Variants in NSMCE2 observed in about 807,000 individuals in gnomAD.
NSMCE2 encodes the protein E3 SUMO-protein ligase NSE2.
Under a neutral mutation model 23.8 loss-of-function variants are expected in NSMCE2, and 24 were observed. The observed-to-expected ratio is 1.01, with a 90% CI of 0.73 to 1.42. The LOEUF (loss-of-function observed/expected upper bound fraction) is 1.42, where lower values mean the gene tolerates loss of function less well. Ranked by LOEUF, NSMCE2 falls within the 40% of genes most tolerant of loss-of-function variation. NSMCE2 has a pLI of 0.00. For missense variants in NSMCE2, 284 were observed against 296.5 expected, an observed-to-expected ratio of 0.96 and a Z score of 0.31; for synonymous variants, 92 against 94.1, an observed-to-expected ratio of 0.98 and a Z score of 0.13.
intron 3 of NSMCE2, among the ~76,000 whole-genome samples, chr8:125,107,898 G>A (rs1818543202): frequency 6.6e-6 from 1 of 152,028 alleles, no homozygotes; most frequent in Admixed American, 6.6e-5. Flanking sequence ...GCCAGGCATG[G>A]TGGTGCACAC....
intron 4 of NSMCE2, among the ~76,000 whole-genome samples, chr8:125,166,555 C>A (rs1821887496): frequency 6.6e-6 from 1 of 152,232 alleles, no homozygotes; most frequent in African/African-American, 2.4e-5. Context: ...GTGTGAGCCA[C>A]CGCGCCTGGC....
intron 3 of NSMCE2, among the ~76,000 whole-genome samples, chr8:125,146,623 A>G (rs1375612468): frequency 6.6e-6 from 1 of 152,138 alleles, no homozygotes; most frequent in Non-Finnish European, 1.5e-5. Flanking sequence ...GGAAACCATC[A>G]TTCTCAGCAA....
At chr8:125,162,502 T>C (rs1371999751) in intron 4 of NSMCE2, among the ~76,000 whole-genome samples, 1 of 152,182 alleles carries the variant, frequency 6.6e-6, no homozygotes, top group African/African-American at 2.4e-5. Flanking sequence ...TTTTTTTCTG[T>C]GCCTGCCCAC....
chr8:125,214,357 G>A (rs950164307), intron 5 of NSMCE2, among the ~76,000 whole-genome samples: 3 of 152,134 alleles, frequency 2.0e-5, no homozygotes, highest in Non-Finnish European at 4.4e-5. Context: ...ATGGGAGTAG[G>A]AACATCAGGT....
intron 5 of NSMCE2, among the ~76,000 whole-genome samples, chr8:125,292,302 C>A (rs1828141368): frequency 6.6e-6 from 1 of 151,700 alleles, no homozygotes; most frequent in Admixed American, 6.6e-5. Flanking sequence ...CACCTGTAAT[C>A]CCAGCACTTT....
intron 5 of NSMCE2, among the ~76,000 whole-genome samples, chr8:125,316,072 G>A (rs1829167540): frequency 6.6e-6 from 1 of 152,148 alleles, no homozygotes; most frequent in African/African-American, 2.4e-5. Flanking sequence ...CTCCCAAAGT[G>A]GTGGGATTAT....
intron 5 of NSMCE2, among the ~76,000 whole-genome samples, chr8:125,333,510 T>TTTTTTTTTTTC (rs1829958818): frequency 1.1e-5 from 1 of 93,448 alleles, no homozygotes; most frequent in Non-Finnish European, 2.1e-5. Flanking sequence ...TGGTTCTTTT[T>TTTTTTTTTTTC]TTTTTTTTTT....
intron 5 of NSMCE2, among the ~76,000 whole-genome samples, chr8:125,307,959 AT>A (rs1828828122): frequency 6.6e-6 from 1 of 151,932 alleles, no homozygotes; most frequent in Non-Finnish European, 1.5e-5. Context: ...AAAAATCTGC[AT>A]TTTCAATTTC....
At chr8:125,332,778 T>G (rs1042474850) in intron 5 of NSMCE2, among the ~76,000 whole-genome samples, 5 of 152,250 alleles carry the variant, frequency 3.3e-5, no homozygotes, top group African/African-American at 1.2e-4. Flanking sequence ...TCCTGCACTT[T>G]AGCTTAGATT....
intron 5 of NSMCE2, among the ~76,000 whole-genome samples, chr8:125,249,043 T>C (rs1484355345): frequency 2.0e-5 from 3 of 152,084 alleles, no homozygotes; most frequent in Non-Finnish European, 2.9e-5. Flanking sequence ...TGGTGGCACA[T>C]GCCTTTAATC....
At chr8:125,327,705 A>C (rs1829726311) in intron 5 of NSMCE2, among the ~76,000 whole-genome samples, 1 of 132,842 alleles carries the variant, frequency 7.5e-6, no homozygotes, top group South Asian at 2.2e-4. Context: ...TTTCTTTAGA[A>C]TATTACAGGA....
rs74895244 is a variant in NSMCE2 at position 125,105,052 on chromosome 8, C to T, written c.157+2565C>T. 6.9e-3 allele frequency among the ~76,000 whole-genome samples: 1,047 copies of T among 152,222 alleles called. 21 individuals are homozygous for T. The highest frequency in any genetic ancestry group is 0.024 in the African/African-American group (997 of 41,528). ...ACTCCCTTGGATTCCTCCTCCCTTG[C>T]GCAGGGAGGAGGCCATTGCAAGACT... On this transcript the variant is annotated intron_variant, in intron 3 of 7. Coordinates refer to ENST00000287437, the MANE Select transcript of NSMCE2 (RefSeq NM_173685.4).
At chr8:125,298,432 GCCAGTAAACGTGAGAT>G (rs1308226044) in intron 5 of NSMCE2, among the ~76,000 whole-genome samples, 1 of 152,190 alleles carries the variant, frequency 6.6e-6, no homozygotes, top group Admixed American at 6.5e-5. Context: ...AAGTCACCCA[GCCAGTAAACGTGAGAT>G]CCAGCGTTTG....
chr8:125,334,799 T>C lies in NSMCE2; in HGVS notation c.419-22420T>C, dbSNP rs1586786744. 2.8e-5 allele frequency among the ~76,000 whole-genome samples: 3 copies of C among 105,600 alleles called. No homozygotes were observed. The Admixed American group carries it at 3.1e-4, about 11-fold the overall frequency. 69.3% of individuals were successfully genotyped at this position (105,600 alleles called of 152,430 possible). A position where few individuals can be genotyped will look rare whatever the true frequency, so the allele number is the denominator to read the frequency against. ...TTTTTTTTTTTTTTTTTTTTTTTTT[T>C]TGAGACACAGTCTCGCTCTGTCACC... On this transcript the variant is annotated intron_variant, in intron 5 of 7. Transcript: ENST00000287437.
In NSMCE2 at chr8:125,142,744, A is replaced by G. The variant is rs377289373; in HGVS notation, c.158-8427A>G. ...CCCAGGCTCCCGAGTAGCTGGAATT[A>G]CAGGCATGCACCACCATGCCTGGCT... On this transcript the variant is annotated intron_variant, in intron 3 of 7. Coordinates refer to ENST00000287437, the MANE Select transcript of NSMCE2 (RefSeq NM_173685.4). Among the ~76,000 whole-genome samples, 23 of 151,908 alleles carry G rather than the reference A, an allele frequency of 1.5e-4. No individual in the cohort carries two copies. In the East Asian group the frequency reaches 3.5e-3, roughly 23 times the overall value.
chr8:125,336,731 A>G (rs1027619675), intron 5 of NSMCE2, among the ~76,000 whole-genome samples: 1 of 152,258 alleles, frequency 6.6e-6, no homozygotes, highest in Non-Finnish European at 1.5e-5. Flanking sequence ...TCTTTGGAGA[A>G]CTGCGAGTTC....
intron 5 of NSMCE2, among the ~76,000 whole-genome samples, chr8:125,299,246 A>G (rs1169828714): frequency 6.6e-6 from 1 of 152,192 alleles, no homozygotes; most frequent in Non-Finnish European, 1.5e-5. Context: ...TATTGGCTGA[A>G]TCAAGAGGAG....
At chr8:125,129,572 G>GTGTC (rs1554605729) in intron 3 of NSMCE2, among the ~76,000 whole-genome samples, 29 of 151,858 alleles carry the variant, frequency 1.9e-4, no homozygotes, top group African/African-American at 7.0e-4. Flanking sequence ...GTGTGTGTGT[G>GTGTC]TGTGTGTCTG....
At chr8:125,105,810 G>A (rs929576137) in intron 3 of NSMCE2, among the ~76,000 whole-genome samples, 3 of 152,188 alleles carry the variant, frequency 2.0e-5, no homozygotes, top group African/African-American at 7.2e-5. Context: ...CTTTAGTGCC[G>A]CAGATTGTCA....
Sources: allele counts gnomAD v4.1 joint callset (sites outside exome capture counted in the v4.1 genomes callset), GRCh38; gene constraint gnomAD v4.1.1; transcripts MANE v1.5; gene names NCBI Gene and HGNC (gene_info 2026-07-23, HGNC 2026-07-21).